Variants in PLXNA4 observed in about 807,000 individuals in gnomAD.
PLXNA4 encodes plexin A4.
Under a neutral mutation model 191.8 loss-of-function variants are expected in PLXNA4, and 44 were observed. The observed-to-expected ratio is 0.23, with a 90% confidence interval of 0.18 to 0.29. The LOEUF (loss-of-function observed/expected upper bound fraction) is 0.29, where lower values mean the gene tolerates loss of function less well. Among genes scored for constraint, PLXNA4 ranks in the 10% least tolerant of loss-of-function variants. The pLI is 1.00. For synonymous variants in PLXNA4, 1,082 were observed against 1,009.5 expected (o/e 1.07, Z -1.36); for missense variants, 1,800 against 2,488.8 (o/e 0.72, Z 5.89).
chr7:132,177,695 A>C (rs903411782), intron 20 of PLXNA4, among the ~76,000 whole-genome samples: 1 of 152,202 alleles, frequency 6.6e-6, no homozygotes, highest in Non-Finnish European at 1.5e-5. Flanking sequence ...CGCCTCCAAC[A>C]TTCAAAGCTG....
chr7:132,177,843 G>C (rs1796528464), intron 20 of PLXNA4, among the ~76,000 whole-genome samples: 1 of 152,218 alleles, frequency 6.6e-6, no homozygotes. Flanking sequence ...ATGCTGTGTT[G>C]ACAGCTGAAG....
At chr7:132,299,829 C>T (rs1045327144) in intron 3 of PLXNA4, among the ~76,000 whole-genome samples, 2 of 152,122 alleles carry the variant, frequency 1.3e-5, no homozygotes, top group Non-Finnish European at 2.9e-5. Flanking sequence ...AGCCAATCAA[C>T]GTGAATCAGA....
intron 4 of PLXNA4, among the ~76,000 whole-genome samples, chr7:132,285,077 T>A (rs1800634398): frequency 6.6e-6 from 1 of 152,062 alleles, no homozygotes; most frequent in Non-Finnish European, 1.5e-5. Context: ...ATACTGAAAA[T>A]CATAGAGATG....
chr7:132,541,876 A>G (rs1585304472), intron 1 of PLXNA4, among the ~76,000 whole-genome samples: 1 of 152,256 alleles, frequency 6.6e-6, no homozygotes, highest in Admixed American at 6.5e-5. Flanking sequence ...CAAGCCAGGT[A>G]AGCCACGTGA....
At chr7:132,641,995 A>T (rs1803753093) in intron 2 of PLXNA4, among the ~76,000 whole-genome samples, 1 of 152,202 alleles carries the variant, frequency 6.6e-6, no homozygotes, top group African/African-American at 2.4e-5. Flanking sequence ...GAAATATGGT[A>T]AAATAAATAA....
intron 1 of PLXNA4, among the ~76,000 whole-genome samples, chr7:132,561,314 TCTTCTCCTC>T (rs1308535083): frequency 1.9e-5 from 2 of 104,814 alleles, no homozygotes; most frequent in Non-Finnish European, 4.1e-5. Flanking sequence ...TCTTTCTCCT[TCTTCTCCTC>T]CTCTTCCTCC....
intron 4 of PLXNA4, among the ~76,000 whole-genome samples, chr7:132,283,856 A>T (rs1189777523): frequency 6.6e-6 from 1 of 152,214 alleles, no homozygotes; most frequent in African/African-American, 2.4e-5. Flanking sequence ...TAAATGCACT[A>T]TCAAATGCTA....
intron 4 of PLXNA4, among the ~76,000 whole-genome samples, chr7:132,254,992 G>T (rs756994739): frequency 5.3e-5 from 8 of 152,084 alleles, no homozygotes; most frequent in Non-Finnish European, 1.0e-4. Flanking sequence ...CCATTCTCAG[G>T]GGGGGTGGCC....
chr7:132,486,446 C>G (rs1797559899), intron 3 of PLXNA4, among the ~76,000 whole-genome samples: 6 of 152,226 alleles, frequency 3.9e-5, no homozygotes, highest in Admixed American at 6.5e-5. Context: ...GGCAGCCCAG[C>G]CTTCCTTTCC....
chr7:132,293,808 C>T (rs1044234403), intron 4 of PLXNA4, among the ~76,000 whole-genome samples: 1 of 152,174 alleles, frequency 6.6e-6, no homozygotes, highest in African/African-American at 2.4e-5. Context: ...GATGCCCTTC[C>T]ACTAAGATCT....
chr7:132,284,418 C>T (rs1800605573), intron 4 of PLXNA4, among the ~76,000 whole-genome samples: 1 of 152,212 alleles, frequency 6.6e-6, no homozygotes, highest in Non-Finnish European at 1.5e-5. Flanking sequence ...GACCCCCACA[C>T]TTTAATGAGA....
chr7:132,392,746 C>T (rs529328323), intron 3 of PLXNA4, among the ~76,000 whole-genome samples: 1 of 152,356 alleles, frequency 6.6e-6, no homozygotes, highest in East Asian at 1.9e-4. Context: ...CTGTTGGAGG[C>T]TACAGCAATC....
At chr7:132,590,819 C>T (rs1802592289) in intron 2 of PLXNA4, among the ~76,000 whole-genome samples, 1 of 152,078 alleles carries the variant, frequency 6.6e-6, no homozygotes, top group Non-Finnish European at 1.5e-5. Context: ...AGTTGGCACT[C>T]AATATTAACC....
At chr7:132,162,390 C>T (rs1171440888) in intron 24 of PLXNA4, among the ~76,000 whole-genome samples, 1 of 152,330 alleles carries the variant, frequency 6.6e-6, no homozygotes, top group Non-Finnish European at 1.5e-5. Flanking sequence ...CTCCAATTTC[C>T]TCACATTCTC....
chr7:132,636,086 G>A (rs925665428), intron 2 of PLXNA4, among the ~76,000 whole-genome samples: 4 of 152,146 alleles, frequency 2.6e-5, no homozygotes, highest in Admixed American at 2.6e-4. Context: ...GAGGTGTGAG[G>A]AAAAGCATCC....
intron 3 of PLXNA4, among the ~76,000 whole-genome samples, chr7:132,308,853 T>C (rs1008644913): frequency 1.3e-5 from 2 of 152,110 alleles, no homozygotes; most frequent in African/African-American, 2.4e-5. Context: ...ATGATTTTCA[T>C]CCAAGCCCAC....
chr7:132,370,836 G>A (rs74522129), intron 3 of PLXNA4, among the ~76,000 whole-genome samples: 2,270 of 152,306 alleles, frequency 0.015, 56 homozygotes, highest in African/African-American at 0.051. Context: ...GCAAAACTGT[G>A]TTCCTGTGTG....
At chr7:132,648,266 T>A (rs559226515) in intron 1 of PLXNA4, among the ~76,000 whole-genome samples, 6 of 152,294 alleles carry the variant, frequency 3.9e-5, no homozygotes, top group African/African-American at 1.2e-4. Context: ...GCTTTCCATT[T>A]CCAACAGTAT....
intron 4 of PLXNA4, among the ~76,000 whole-genome samples, chr7:132,283,072 C>T (rs950962763): frequency 1.3e-5 from 2 of 152,044 alleles, no homozygotes; most frequent in Admixed American, 6.6e-5. Flanking sequence ...GATTTCACCA[C>T]GTTGCCCAGG....
Sources: gnomAD v4.1 joint callset for allele counts (sites outside exome capture counted in the v4.1 genomes callset) on GRCh38, gnomAD v4.1.1 for gene constraint, MANE v1.5 for transcripts, NCBI Gene and HGNC (gene_info 2026-07-23, HGNC 2026-07-21) for gene names.